The following SRD5A2 variants were observed in gnomAD, a reference collection of about 807,000 sequenced individuals.
SRD5A2 encodes the protein 3-oxo-5-alpha-steroid 4-dehydrogenase 2.
In SRD5A2, 30 loss-of-function variants were observed where a neutral mutation model predicts 27.4. The ratio of observed to expected loss-of-function variants is 1.10; its 90% CI spans 0.82 to 1.49. The LOEUF is 1.49. Among genes scored for constraint, SRD5A2 ranks in the 40% most tolerant of loss-of-function variants. The pLI is 0.00. For missense variants in SRD5A2, 348 were observed against 323.4 expected (o/e 1.08, Z -0.58); for synonymous variants, 141 against 133.6 (o/e 1.06, Z -0.38).
chr2:31,626,080 C>A, the SRD5A2 span, among the ~76,000 whole-genome samples: 14 of 152,124 alleles, frequency 9.2e-5, no homozygotes, highest in Non-Finnish European at 2.1e-4. Flanking sequence ...TCTTCACATC[C>A]CTTGTAAGTT....
chr2:31,563,478 C>T (rs1666667304), intron 1 of SRD5A2: 1 of 151,776 alleles, frequency 6.6e-6, no homozygotes, highest in Non-Finnish European at 1.5e-5. Flanking sequence ...TGACTCACAC[C>T]ACCTCATAAC....
the SRD5A2 span, among the ~76,000 whole-genome samples, chr2:31,632,729 G>A: frequency 6.6e-6 from 1 of 152,154 alleles, no homozygotes; most frequent in African/African-American, 2.4e-5. Flanking sequence ...TTGTGACTGA[G>A]GAACTTTACT....
chr2:31,552,563 C>A (rs1048150700), intron 1 of SRD5A2, among the ~76,000 whole-genome samples: 1 of 152,110 alleles, frequency 6.6e-6, no homozygotes, highest in Non-Finnish European at 1.5e-5. Context: ...AGAACCTAGG[C>A]ATCTCACCAA....
chr2:31,586,016 G>C, the SRD5A2 span, among the ~76,000 whole-genome samples: 1 of 152,118 alleles, frequency 6.6e-6, no homozygotes, highest in African/African-American at 2.4e-5. Flanking sequence ...TGCCAGCTCA[G>C]TGTTTTTGTT....
chr2:31,567,585 C>T (rs1333492470), intron 1 of SRD5A2, among the ~76,000 whole-genome samples: 1 of 151,946 alleles, frequency 6.6e-6, no homozygotes, highest in African/African-American at 2.4e-5. Flanking sequence ...GTAGTTCTAC[C>T]TTCTTGTCCC....
the SRD5A2 span, among the ~76,000 whole-genome samples, chr2:31,644,105 G>C: frequency 6.6e-6 from 1 of 152,072 alleles, no homozygotes; most frequent in Non-Finnish European, 1.5e-5. Flanking sequence ...TCAAATGTTG[G>C]GATAAGCATA....
At chr2:31,625,106 A>G in the SRD5A2 span, among the ~76,000 whole-genome samples, 2 of 152,132 alleles carry the variant, frequency 1.3e-5, no homozygotes, top group Non-Finnish European at 2.9e-5. Flanking sequence ...TTCTCTGATG[A>G]CCAGTGATGA....
chr2:31,563,150 CACT>C (rs1246890226), intron 1 of SRD5A2: 1 of 152,098 alleles, frequency 6.6e-6, no homozygotes, highest in Non-Finnish European at 1.5e-5. Flanking sequence ...TCTGCTATCC[CACT>C]TAGTCTTCTA....
Position 31,533,779 on chromosome 2 carries a change from G to T in SRD5A2, c.282-13C>A. 1 of 1,597,738 alleles carries T rather than the reference G, an allele frequency of 6.3e-7. No homozygotes were observed. Among genetic ancestry groups the T allele is most frequent in the Non-Finnish European group, 8.5e-7 (1 of 1,172,250 alleles). ...GTACACAAATGTCCTGGGACACACA[G>T]GGAGGAAAGGTTAGGATTCACTGTT... On this transcript the variant is annotated splice_polypyrimidine_tract_variant and intron_variant, in intron 1 of 4. Transcript: ENST00000622030.
chr2:31,631,297 G>T, the SRD5A2 span, among the ~76,000 whole-genome samples: 1 of 152,156 alleles, frequency 6.6e-6, no homozygotes. Flanking sequence ...GTCAAGAAAG[G>T]TGGGAAAACA....
intron 1 of SRD5A2, among the ~76,000 whole-genome samples, chr2:31,573,201 A>G (rs940588895): frequency 6.6e-5 from 10 of 152,186 alleles, no homozygotes; most frequent in African/African-American, 2.4e-4. Context: ...AATAGCACTA[A>G]TAACAGGGAT....
At chr2:31,550,845 T>A (rs540178455) in intron 1 of SRD5A2, among the ~76,000 whole-genome samples, 163 of 152,118 alleles carry the variant, frequency 1.1e-3, no homozygotes, top group African/African-American at 3.8e-3. Flanking sequence ...TTCTTACTAC[T>A]TTTATTCAAC....
At chr2:31,612,869 T>A in the SRD5A2 span, among the ~76,000 whole-genome samples, 2 of 152,144 alleles carry the variant, frequency 1.3e-5, no homozygotes, top group African/African-American at 4.8e-5. Context: ...ACTTAAATAT[T>A]TGCAGTTAAT....
the SRD5A2 span, among the ~76,000 whole-genome samples, chr2:31,634,010 T>C: frequency 6.6e-6 from 1 of 152,238 alleles, no homozygotes; most frequent in Non-Finnish European, 1.5e-5. Context: ...CAATCATCTA[T>C]CGCTTGAGAG....
chr2:31,533,660 G>C lies in SRD5A2; in HGVS notation c.388C>G (p.Leu130Val), dbSNP rs769784435. ...TCAGGGTATTCAGCACAGTAAATCA[G>C]ATAGTAGCCTTGAAGGACTCCATTT... is the stretch of plus-strand genomic sequence containing the variant. ...TGNGVLQGYY[L>V]IYCAEYPDGW... Residue 130 changes from leucine to valine, a missense_variant, in exon 2 of 5, where the codon CTG (leucine) becomes GTG (valine). By Grantham distance (32) the Leu-to-Val change is conservative (BLOSUM62 1). Coordinates refer to ENST00000622030, the MANE Select transcript of SRD5A2 (RefSeq NM_000348.4). 51 of 1,562,130 alleles carry C rather than the reference G, an allele frequency of 3.3e-5. No homozygotes were observed. Among genetic ancestry groups the C allele is most frequent in the Non-Finnish European group, 1.4e-5 (16 of 1,152,642 alleles).
chr2:31,524,517 A>G lies in SRD5A2; in HGVS notation c.*1679T>C, dbSNP rs1223130452. On this transcript the variant is annotated 3_prime_UTR_variant, in exon 5 of 5. Transcript: ENST00000622030. ...AGGGACAGGCGGGACAGGGAAGCAC[A>G]CCCCAATACCTTGTGAAAATCTCCA... 8.7e-6 allele frequency: 2 copies of G among 230,324 alleles called. No homozygotes were observed. Among genetic ancestry groups the G allele is most frequent in the Non-Finnish European group, 1.7e-5 (2 of 116,292 alleles). The allele number at this position is 230,324 out of a possible 1,614,324, so 14.3% of individuals were successfully genotyped here.
chr2:31,625,412 G>A, the SRD5A2 span, among the ~76,000 whole-genome samples: 1 of 152,170 alleles, frequency 6.6e-6, no homozygotes, highest in South Asian at 2.1e-4. Context: ...TGCTTTTGGT[G>A]TTTTAGTCAC....
chr2:31,631,674 T>C, the SRD5A2 span, among the ~76,000 whole-genome samples: 2 of 152,154 alleles, frequency 1.3e-5, no homozygotes, highest in African/African-American at 2.4e-5. Context: ...CATGGAGAGA[T>C]ATAATGTTAC....
intron 1 of SRD5A2, among the ~76,000 whole-genome samples, chr2:31,567,176 T>C (rs1366132554): frequency 2.0e-5 from 3 of 152,218 alleles, no homozygotes; most frequent in Admixed American, 6.5e-5. Flanking sequence ...TAACTTTGTG[T>C]AGACTGATTT....
Sources: allele counts gnomAD v4.1 joint callset (sites outside exome capture counted in the v4.1 genomes callset), GRCh38; gene constraint gnomAD v4.1.1; transcripts MANE v1.5; gene names NCBI Gene and HGNC (gene_info 2026-07-23, HGNC 2026-07-21).